RIT2: variants seen among roughly 807,000 people sequenced by gnomAD.
The protein encoded by RIT2 is Ras like without CAAX 2.
RIT2 carries 24 observed loss-of-function variants against 23.7 expected under a neutral mutation model. That is an observed-to-expected ratio of 1.01 (90% CI 0.73 to 1.43). The LOEUF is 1.43. RIT2 is among the 40% of genes most tolerant of loss of function. The pLI, the probability that RIT2 is intolerant of heterozygous loss-of-function variation, is 0.00. For missense variants in RIT2, 236 were observed against 266.9 expected, an observed-to-expected ratio of 0.88 and a Z score of 0.81; for synonymous variants, 107 against 91.1, an observed-to-expected ratio of 1.17 and a Z score of -0.99.
intron 4 of RIT2, among the ~76,000 whole-genome samples, chr18:42,883,404 CT>C (rs1907944635): frequency 6.6e-6 from 1 of 152,146 alleles, no homozygotes; most frequent in African/African-American, 2.4e-5. Flanking sequence ...CGTTAATTTT[CT>C]TGCCAAACAT....
At chr18:42,898,299 C>A (rs889349986) in intron 4 of RIT2, among the ~76,000 whole-genome samples, 2 of 152,084 alleles carry the variant, frequency 1.3e-5, no homozygotes, top group African/African-American at 4.8e-5. Context: ...GAAGCTGAGT[C>A]ATGAGAATTG....
intron 1 of RIT2, among the ~76,000 whole-genome samples, chr18:43,073,648 T>C (rs8090159): frequency 1 from 152,264 of 152,264 alleles, 76,132 homozygotes; most frequent in Non-Finnish European, 1. Context: ...CATATGTGAA[T>C]TGAGTTAGAG....
chr18:42,966,184 G>A (rs964024604), intron 3 of RIT2, among the ~76,000 whole-genome samples: 25 of 152,028 alleles, frequency 1.6e-4, no homozygotes, highest in African/African-American at 5.1e-4. Flanking sequence ...AGTTTCTGCC[G>A]AGAACTATCC....
chr18:42,785,855 C>T (rs1041371889), intron 4 of RIT2, among the ~76,000 whole-genome samples: 6 of 152,132 alleles, frequency 3.9e-5, no homozygotes, highest in Non-Finnish European at 7.4e-5. Flanking sequence ...AGAATACTGA[C>T]GGCAGGGTAA....
intron 4 of RIT2, among the ~76,000 whole-genome samples, chr18:42,812,411 C>T (rs1316761944): frequency 6.6e-6 from 1 of 152,056 alleles, no homozygotes; most frequent in East Asian, 1.9e-4. Context: ...GTTTTAAGTC[C>T]TTTAAAGTCA....
intron 1 of RIT2, among the ~76,000 whole-genome samples, chr18:43,114,475 G>T (rs1323059227): frequency 6.6e-5 from 10 of 151,886 alleles, no homozygotes; most frequent in African/African-American, 2.4e-4. Flanking sequence ...TAAAACTACT[G>T]ATTTGTTTTG....
chr18:43,038,603 TTTAAG>T (rs1912047881), intron 1 of RIT2, among the ~76,000 whole-genome samples: 1 of 152,124 alleles, frequency 6.6e-6, no homozygotes, highest in Admixed American at 6.5e-5. Flanking sequence ...ATATATCTTC[TTTAAG>T]TTATTTCTGT....
intron 2 of RIT2, among the ~76,000 whole-genome samples, chr18:42,985,921 A>G (rs1341852920): frequency 1.3e-5 from 2 of 152,160 alleles, no homozygotes. Context: ...TACATTAAAA[A>G]CAAAAAACAT....
In RIT2 at chr18:42,984,659, G is replaced by A. The variant is rs77029110; in HGVS notation, c.161-10512C>T. 5.9e-5 allele frequency among the ~76,000 whole-genome samples: 9 copies of A among 151,574 alleles called. No homozygotes were observed. The East Asian group carries it at 7.7e-4, about 13-fold the overall frequency. ...TCTGTATTATTTCTTATAATTCCAC[G>A]TGAAATTATAATTATCTAAAACTAA... On this transcript the variant is annotated intron_variant, in intron 2 of 4. Coordinates refer to ENST00000326695, the MANE Select transcript of RIT2 (RefSeq NM_002930.4).
At chr18:42,967,019 A>T (rs971515722) in intron 3 of RIT2, among the ~76,000 whole-genome samples, 3 of 152,128 alleles carry the variant, frequency 2.0e-5, no homozygotes, top group Non-Finnish European at 4.4e-5. Flanking sequence ...TATAATCTAA[A>T]TCCTTTCCCA....
intron 4 of RIT2, among the ~76,000 whole-genome samples, chr18:42,908,127 CCAAA>C (rs969751661): frequency 5.4e-5 from 8 of 148,550 alleles, no homozygotes; most frequent in African/African-American, 7.4e-5. Context: ...AACAAAATAA[CCAAA>C]CAAAGAAAAA....
intron 1 of RIT2, among the ~76,000 whole-genome samples, chr18:43,068,560 C>G (rs1319174028): frequency 6.6e-6 from 1 of 152,106 alleles, no homozygotes; most frequent in African/African-American, 2.4e-5. Context: ...TCATGGGCAT[C>G]AAGAACCTAG....
chr18:42,760,279 T>C (rs764585567), intron 4 of RIT2, among the ~76,000 whole-genome samples: 3 of 152,226 alleles, frequency 2.0e-5, no homozygotes, highest in Admixed American at 1.3e-4. Flanking sequence ...TGCTTGATCA[T>C]TCTTCAGGTG....
At chr18:42,958,025 G>A in intron 3 of RIT2, among the ~76,000 whole-genome samples, 1 of 152,058 alleles carries the variant, frequency 6.6e-6, no homozygotes, top group Non-Finnish European at 1.5e-5. Context: ...AACCTGGTGG[G>A]TGAGTTAAAG....
intron 4 of RIT2, among the ~76,000 whole-genome samples, chr18:42,880,155 T>G (rs949777342): frequency 6.6e-6 from 1 of 152,154 alleles, no homozygotes; most frequent in Admixed American, 6.5e-5. Context: ...AGTATAGTTG[T>G]GTGGCAAAAA....
intron 4 of RIT2, among the ~76,000 whole-genome samples, chr18:42,892,295 G>T (rs951799929): frequency 6.6e-6 from 1 of 152,120 alleles, no homozygotes; most frequent in African/African-American, 2.4e-5. Flanking sequence ...CAGCTTAAGT[G>T]AATGTCTTTT....
chr18:43,005,164 C>T (rs541083258), intron 2 of RIT2, among the ~76,000 whole-genome samples: 148 of 151,942 alleles, frequency 9.7e-4, no homozygotes, highest in Non-Finnish European at 1.5e-3. Context: ...TATCTCATCT[C>T]CTTCAATCTG....
intron 4 of RIT2, among the ~76,000 whole-genome samples, chr18:42,901,865 C>T (rs1245629031): frequency 6.6e-6 from 1 of 151,856 alleles, no homozygotes; most frequent in African/African-American, 2.4e-5. Context: ...CTATCCAAAG[C>T]TCTCTGGAAA....
intron 1 of RIT2, among the ~76,000 whole-genome samples, chr18:43,051,197 A>G (rs1912373629): frequency 6.6e-6 from 1 of 152,126 alleles, no homozygotes; most frequent in Non-Finnish European, 1.5e-5. Context: ...TCAGAAAAAA[A>G]TAAAACAAAT....
Sources: allele counts gnomAD v4.1 joint callset (sites outside exome capture counted in the v4.1 genomes callset), GRCh38; gene constraint gnomAD v4.1.1; transcripts MANE v1.5; gene names NCBI Gene and HGNC (gene_info 2026-07-23, HGNC 2026-07-21).